The following BAZ2B variants were observed in gnomAD, a reference collection of about 807,000 sequenced individuals.
BAZ2B encodes bromodomain adjacent to zinc finger domain protein 2B.
A neutral mutation model predicts 246.0 loss-of-function variants in BAZ2B; 91 were observed. The observed-to-expected ratio is 0.37, with a 90% CI of 0.31 to 0.44. BAZ2B has a LOEUF of 0.44. BAZ2B is among the 20% of genes least tolerant of loss of function. BAZ2B has a pLI of 1.00. For synonymous variants in BAZ2B, 855 were observed against 860.0 expected, an observed-to-expected ratio of 0.99 and a Z score of 0.10; for missense variants, 2,332 against 2,533.7, an observed-to-expected ratio of 0.92 and a Z score of 1.71.
the BAZ2B span, among the ~76,000 whole-genome samples, chr2:159,687,594 C>A: frequency 6.6e-6 from 1 of 152,194 alleles, no homozygotes; most frequent in Non-Finnish European, 1.5e-5. Flanking sequence ...TACTCAAGAC[C>A]CTTCCAGACC....
intron 2 of BAZ2B, among the ~76,000 whole-genome samples, chr2:159,519,055 G>C (rs1301952551): frequency 6.6e-6 from 1 of 151,896 alleles, no homozygotes; most frequent in Non-Finnish European, 1.5e-5. Context: ...TTTCCTCAGT[G>C]CAAGCCAGAG....
chr2:159,521,382 G>C (rs1230954049), intron 2 of BAZ2B, among the ~76,000 whole-genome samples: 4 of 151,892 alleles, frequency 2.6e-5, no homozygotes, highest in Non-Finnish European at 4.4e-5. Flanking sequence ...GAAAGAGTAA[G>C]CCAAAGACAG....
chr2:159,653,727 T>G, the BAZ2B span, among the ~76,000 whole-genome samples: 1 of 152,228 alleles, frequency 6.6e-6, no homozygotes, highest in Non-Finnish European at 1.5e-5. Context: ...CTAGATATGC[T>G]GACTTCTATA....
At chr2:159,390,912 A>T (rs2063256545) in intron 20 of BAZ2B, among the ~76,000 whole-genome samples, 1 of 152,178 alleles carries the variant, frequency 6.6e-6, no homozygotes, top group African/African-American at 2.4e-5. Flanking sequence ...AAAGTTCTAT[A>T]ATTAATTTTA....
At chr2:159,507,321 T>C (rs1008338630) in intron 2 of BAZ2B, among the ~76,000 whole-genome samples, 3 of 152,106 alleles carry the variant, frequency 2.0e-5, no homozygotes, top group Non-Finnish European at 4.4e-5. Context: ...CAACAGCTGA[T>C]TTAGTAATGA....
chr2:159,649,102 G>A, the BAZ2B span, among the ~76,000 whole-genome samples: 1 of 151,966 alleles, frequency 6.6e-6, no homozygotes, highest in Non-Finnish European at 1.5e-5. Flanking sequence ...ATGTTTATTT[G>A]CCACCCTTTT....
At position 159,337,645 on chromosome 2, in the gene BAZ2B, G is replaced by C. The variant is rs1452106881; in HGVS notation, c.5582C>G (p.Ala1861Gly). 6.2e-7 allele frequency: 1 copy of C among 1,614,218 alleles called. No homozygotes were observed. The highest frequency in any genetic ancestry group is 1.7e-5 in the Admixed American group (1 of 60,026). Residue 1861 changes from alanine to glycine, a missense_variant, in exon 32 of 37, where the codon GCA becomes GGA. Ala to Gly is a moderately conservative substitution (Grantham distance 60). Around this residue, in one of 9 missense-constraint regions of BAZ2B, gnomAD observed 676 missense variants for 668.6 expected, o/e 1.01. Transcript: ENST00000392783. ...GGGGTTGTCACTCTTCCGTTCTAGT[G>C]CATGTGCACTGCTTTCGTCTTCGCC... ...FTGEDESSAH[A>G]LERKSDNPLD...
At chr2:159,443,951 T>G (rs1577094090) in intron 6 of BAZ2B, among the ~76,000 whole-genome samples, 1 of 152,272 alleles carries the variant, frequency 6.6e-6, no homozygotes, top group East Asian at 1.9e-4. Flanking sequence ...AGATTTTACT[T>G]GATTTTAGCA....
At chr2:159,456,178 T>C (rs1039836665) in intron 3 of BAZ2B, among the ~76,000 whole-genome samples, 2 of 152,080 alleles carry the variant, frequency 1.3e-5, no homozygotes, top group African/African-American at 4.8e-5. Flanking sequence ...TCCAGAATAA[T>C]TGAAATTATC....
At chr2:159,495,669 T>C (rs1029124252) in intron 2 of BAZ2B, among the ~76,000 whole-genome samples, 3 of 152,024 alleles carry the variant, frequency 2.0e-5, no homozygotes, top group African/African-American at 4.8e-5. Context: ...TCTTTACTTA[T>C]AAATTTTAGT....
chr2:159,576,910 C>T (rs1182165223), intron 1 of BAZ2B, among the ~76,000 whole-genome samples: 1 of 34,812 alleles, frequency 2.9e-5, no homozygotes, highest in African/African-American at 1.6e-4. Context: ...GAGACTGTGT[C>T]TCAAAAAAAA....
At chr2:159,351,783 A>G (rs2058593010) in intron 27 of BAZ2B, among the ~76,000 whole-genome samples, 1 of 152,344 alleles carries the variant, frequency 6.6e-6, no homozygotes, top group South Asian at 2.1e-4. Flanking sequence ...AAAATAATTT[A>G]TAAGAACTAT....
At chr2:159,702,571 T>C in the BAZ2B span, among the ~76,000 whole-genome samples, 1 of 152,214 alleles carries the variant, frequency 6.6e-6, no homozygotes, top group African/African-American at 2.4e-5. Context: ...ACAAAATAGA[T>C]GGATCTGGAA....
the BAZ2B span, among the ~76,000 whole-genome samples, chr2:159,654,372 C>T: frequency 6.6e-6 from 1 of 152,024 alleles, no homozygotes; most frequent in Non-Finnish European, 1.5e-5. Context: ...GAAAGATAGG[C>T]TTGAATATAT....
chr2:159,678,920 A>C, the BAZ2B span, among the ~76,000 whole-genome samples: 2 of 152,230 alleles, frequency 1.3e-5, no homozygotes, highest in African/African-American at 4.8e-5. Context: ...GGCATGATAC[A>C]GAAGGCAACC....
chr2:159,693,424 C>CTT, the BAZ2B span: 1,369 of 125,114 alleles, frequency 0.011, 56 homozygotes, highest in African/African-American at 0.021. Context: ...TAAAAATAAA[C>CTT]TTTTTTTTTT....
At chr2:159,575,655 C>A (rs1685118368) in intron 1 of BAZ2B, among the ~76,000 whole-genome samples, 1 of 152,110 alleles carries the variant, frequency 6.6e-6, no homozygotes, top group Non-Finnish European at 1.5e-5. Context: ...CCCTAGATCA[C>A]TCACTTCTAA....
At chr2:159,364,455 C>T (rs796793166) in intron 27 of BAZ2B, among the ~76,000 whole-genome samples, 17 of 152,196 alleles carry the variant, frequency 1.1e-4, no homozygotes, top group African/African-American at 3.6e-4. Context: ...TGCTGTGATG[C>T]GATCGTGGCT....
chr2:159,339,256 G>T (rs192883753), intron 31 of BAZ2B, among the ~76,000 whole-genome samples: 1 of 152,072 alleles, frequency 6.6e-6, no homozygotes, highest in African/African-American at 2.4e-5. Flanking sequence ...ATAAATATAC[G>T]GCACTGAGAC....
Sources: gnomAD v4.1 joint callset for allele counts (sites outside exome capture counted in the v4.1 genomes callset) on GRCh38, gnomAD v4.1.1 for gene constraint, gnomAD v4.1.1 regional missense constraint, MANE v1.5 for transcripts, NCBI Gene and HGNC (gene_info 2026-07-23, HGNC 2026-07-21) for gene names.